C7orf57: variants seen among roughly 807,000 people sequenced by gnomAD.
C7orf57 encodes the protein chromosome 7 open reading frame 57, also known as uncharacterized protein C7orf57.
C7orf57 carries 33 observed loss-of-function variants against 39.0 expected under a neutral mutation model. The ratio of observed to expected loss-of-function variants is 0.85; its 90% CI spans 0.64 to 1.13. C7orf57 has a LOEUF of 1.13. C7orf57 is among the 50% of genes most tolerant of loss of function. The pLI is 0.00. For missense variants in C7orf57, 346 were observed against 362.3 expected (o/e 0.95, Z 0.37); for synonymous variants, 124 against 137.1 (o/e 0.90, Z 0.67).
intron 2 of C7orf57, among the ~76,000 whole-genome samples, chr7:48,037,774 C>T (rs983853459): frequency 8.3e-5 from 6 of 71,946 alleles, no homozygotes; most frequent in Non-Finnish European, 1.7e-4. Context: ...TGTGTGCGCG[C>T]GCGTGCGTGT....
At position 48,056,991 on chromosome 7, in the gene C7orf57, T is replaced by C. The variant is rs147512185; in HGVS notation, c.841+2385T>C. 3.4e-3 allele frequency among the ~76,000 whole-genome samples: 525 copies of C among 152,266 alleles called. 3 individuals are homozygous for C. Among genetic ancestry groups the C allele is most frequent in the Non-Finnish European group, 4.2e-3 (283 of 67,976 alleles). ...TATCCACTGATCTATACTTCCATTT[T>C]TATGCCAGTACCATGCTGTTTTGCT... is the stretch of plus-strand genomic sequence containing the variant. On this transcript the variant is annotated intron_variant, in intron 8 of 8. Transcript: ENST00000348904.
At chr7:48,051,770 C>CTT (rs142660699) in intron 6 of C7orf57, among the ~76,000 whole-genome samples, 2 of 53,946 alleles carry the variant, frequency 3.7e-5, no homozygotes, top group African/African-American at 1.2e-4. Context: ...TTCTTTCTTT[C>CTT]TTTCTTTCTT....
rs1352360889 is a variant in C7orf57 at position 48,046,590 on chromosome 7, G to A, written c.481G>A (p.Glu161Lys). 1.2e-6 allele frequency: 2 copies of A among 1,613,504 alleles called. No homozygotes were observed. Among genetic ancestry groups the A allele is most frequent in the Non-Finnish European group, 1.7e-6 (2 of 1,179,650 alleles). ...GAAAACAGTTTGGCAAAGAGAGGCT[G>A]AGGAACTTGAAAAGGAGAAAAAAAA... ...DMKTVWQREA[E>K]ELEKEKKKLR... The change falls in exon 5 of 9, where the codon GAG becomes AAG. Residue 161 changes from glutamate (E) to lysine (K), a missense_variant. By Grantham distance (56) the Glu-to-Lys change is moderately conservative. Coordinates refer to ENST00000348904, the MANE Select transcript of C7orf57 (RefSeq NM_001100159.3).
chr7:48,052,516 G>A (rs1790985087), intron 6 of C7orf57, among the ~76,000 whole-genome samples, 184 bp from the exon 7 acceptor site: 1 of 152,160 alleles, frequency 6.6e-6, no homozygotes, highest in Non-Finnish European at 1.5e-5. Flanking sequence ...CAGAGAAGCA[G>A]AGGGAGAGAC....
At chr7:48,054,464 C>A in intron 7 of C7orf57, 131 bp from the exon 8 acceptor site, 9 of 526,024 alleles carry the variant, frequency 1.7e-5, no homozygotes, top group East Asian at 3.9e-5. Flanking sequence ...TTTACAATGT[C>A]AAGAGTGTTT....
intron 6 of C7orf57, among the ~76,000 whole-genome samples, chr7:48,051,823 CTTTCTTTCTTTCTTTCTT>C (rs1790928966): frequency 4.8e-5 from 1 of 20,928 alleles, no homozygotes; most frequent in African/African-American, 2.1e-4. Flanking sequence ...TCTTCTCTTT[CTTTCTTTCTTTCTTTCTT>C]TCTTTCTTTC....
intron 3 of C7orf57, among the ~76,000 whole-genome samples, chr7:48,041,966 G>A (rs1352055387): frequency 2.0e-5 from 3 of 152,350 alleles, no homozygotes; most frequent in East Asian, 3.9e-4. Flanking sequence ...CCATAGAGGA[G>A]TTTCAGTGTG....
chr7:48,060,328 T>C lies in C7orf57; in HGVS notation c.*56T>C. ...TTTAAATGGCTAAATATGACATGAC[T>C]GTATTATAGCTATATTTCTGAGGCT... is the stretch of plus-strand genomic sequence containing the variant. On this transcript the variant is annotated 3_prime_UTR_variant, in exon 9 of 9. Coordinates refer to ENST00000348904, the MANE Select transcript of C7orf57 (RefSeq NM_001100159.3). 3.6e-6 allele frequency: 4 copies of C among 1,103,426 alleles called. No homozygotes were observed. The highest frequency in any genetic ancestry group is 1.6e-5 in the South Asian group (1 of 62,664). 68.4% of individuals were successfully genotyped at this position (1,103,426 alleles called of 1,614,324 possible).
chr7:48,055,771 T>G (rs1562633156), intron 8 of C7orf57, among the ~76,000 whole-genome samples: 3 of 152,254 alleles, frequency 2.0e-5, no homozygotes, highest in Non-Finnish European at 2.9e-5. Context: ...TCCAGGTTCA[T>G]CCATGTTGTC....
At chr7:48,043,913 T>C (rs1255116446) in intron 4 of C7orf57, among the ~76,000 whole-genome samples, 2 of 152,032 alleles carry the variant, frequency 1.3e-5, no homozygotes, top group Non-Finnish European at 2.9e-5. Context: ...AAGATGGTGG[T>C]GGGCTGCTCT....
intron 2 of C7orf57, 74 bp from the exon 3 acceptor site, chr7:48,041,260 G>GATA: frequency 1.5e-6 from 2 of 1,373,924 alleles, no homozygotes; most frequent in East Asian, 4.7e-5. Context: ...TCTGCATAGA[G>GATA]ATACTCTGGT....
At chr7:48,052,652 T>C in intron 6 of C7orf57, 48 bp from the exon 7 acceptor site, 1 of 1,514,012 alleles carries the variant, frequency 6.6e-7, no homozygotes. Flanking sequence ...TTCTGCTTTA[T>C]CATTAACCCT....
chr7:48,045,220 C>T (rs1357320710), intron 4 of C7orf57, among the ~76,000 whole-genome samples: 1 of 152,218 alleles, frequency 6.6e-6, no homozygotes, highest in African/African-American at 2.4e-5. Context: ...CAGGAGAAAT[C>T]CTTCCTTCAC....
At position 48,052,769 on chromosome 7, in the gene C7orf57, G is replaced by A. The variant is rs1562631100; in HGVS notation, c.675G>A (p.Trp225Ter). The change falls in exon 7 of 9, where the codon TGG (tryptophan) becomes TGA (stop). Residue 225 changes from tryptophan to a stop codon, truncating the protein, a stop_gained. Transcript: ENST00000348904. LOFTEE classifies it high-confidence loss of function. ...TTAGCAATGGTTATAAGGATGAGTG[G>A]TTGCAGCAGCAGCAGCGAGCTGACT... ...KLISNGYKDE[W>*]LQQQQRADSD... 1.2e-6 allele frequency: 2 copies of A among 1,614,040 alleles called. No homozygotes were observed. Among genetic ancestry groups the A allele is most frequent in the East Asian group, 2.2e-5 (1 of 44,886 alleles).
At chr7:48,037,778 T>G (rs942100618) in intron 2 of C7orf57, among the ~76,000 whole-genome samples, 6 of 146,140 alleles carry the variant, frequency 4.1e-5, no homozygotes, top group Non-Finnish European at 7.4e-5. Context: ...TGCGCGCGCG[T>G]GCGTGTGTGT....
chr7:48,036,103 C>A, intron 1 of C7orf57, 105 bp from the exon 2 acceptor site: 1 of 644,938 alleles, frequency 1.6e-6, no homozygotes, highest in Non-Finnish European at 2.8e-6. Flanking sequence ...GCTGTATACC[C>A]TGCATGGAAG....
chr7:48,041,059 C>T (rs896300188), intron 2 of C7orf57, among the ~76,000 whole-genome samples: 2 of 152,040 alleles, frequency 1.3e-5, no homozygotes, highest in Non-Finnish European at 2.9e-5. Context: ...CCCTGGGAAG[C>T]GAAAGCACCC....
chr7:48,038,478 G>C (rs1220155875), intron 2 of C7orf57, among the ~76,000 whole-genome samples: 1 of 152,216 alleles, frequency 6.6e-6, no homozygotes, highest in Non-Finnish European at 1.5e-5. Flanking sequence ...AGTCTGGAAG[G>C]TTCGAAATTT....
At position 48,035,710 on chromosome 7, in the gene C7orf57, C is replaced by A. The variant is rs1272989475; in HGVS notation, c.-102+80C>A. ...TGTCCACTGTGCGGAGCTCGCAGTG[C>A]GGGCAGTGCGCGCCGGGGCTGGAGG... is the stretch of plus-strand genomic sequence containing the variant. On this transcript the variant is annotated intron_variant, in intron 1 of 8. Coordinates refer to ENST00000348904, the MANE Select transcript of C7orf57 (RefSeq NM_001100159.3). The surrounding 1 kb of genome is among the most constrained non-coding windows in gnomAD (Gnocchi z 4.0). 4 of 587,928 alleles carry A rather than the reference C, an allele frequency of 6.8e-6. No individual in the cohort carries two copies. Among genetic ancestry groups the A allele is most frequent in the African/African-American group, 1.9e-5 (1 of 51,396 alleles). The allele number at this position is 587,928 out of a possible 1,614,324, so 36.4% of individuals were successfully genotyped here.
Sources: allele counts gnomAD v4.1 joint callset (sites outside exome capture counted in the v4.1 genomes callset), GRCh38; gene constraint gnomAD v4.1.1; non-coding constraint Gnocchi (gnomAD v3.1); transcripts MANE v1.5; gene names NCBI Gene and HGNC (gene_info 2026-07-23, HGNC 2026-07-21).